The following CNGA1 variants were observed in gnomAD, a reference collection of about 807,000 sequenced individuals.
CNGA1 encodes the protein cyclic nucleotide-gated channel alpha-1.
Under a neutral mutation model 69.7 loss-of-function variants are expected in CNGA1, and 53 were observed. The ratio of observed to expected loss-of-function variants is 0.76; its 90% CI spans 0.61 to 0.96. The LOEUF (loss-of-function observed/expected upper bound fraction) is 0.96, where lower values mean the gene tolerates loss of function less well. CNGA1 is among the 40% of genes least tolerant of loss of function. CNGA1 has a pLI of 0.00. For missense variants in CNGA1, 739 were observed against 811.2 expected (o/e 0.91, Z 1.08); for synonymous variants, 249 against 283.5 (o/e 0.88, Z 1.22).
At chr4:48,003,738 C>G (rs1389479411) in intron 2 of CNGA1, among the ~76,000 whole-genome samples, 3 of 152,198 alleles carry the variant, frequency 2.0e-5, no homozygotes, top group Non-Finnish European at 4.4e-5. Flanking sequence ...AGAGTGTGAA[C>G]CTTCTGTTAT....
At chr4:47,948,370 A>G (rs1371729) in intron 6 of CNGA1, among the ~76,000 whole-genome samples, 52,223 of 152,002 alleles carry the variant, frequency 0.34, 9,352 homozygotes, top group East Asian at 0.59. Flanking sequence ...TACTGTATAT[A>G]TGCTAAAACA....
Position 47,936,216 on chromosome 4 carries a change from T to G in CNGA1, c.*205A>C. ...GTTTATATCTTTGCACATTATCAGTTGTGAAAAATCCCAAGATATAAAGCT... is the reference window on the plus strand; with the variant it reads ...GTTTATATCTTTGCACATTATCAGTGGTGAAAAATCCCAAGATATAAAGCT... On this transcript the variant is annotated 3_prime_UTR_variant, in exon 11 of 11. Coordinates refer to ENST00000514170, the MANE Select transcript of CNGA1 (RefSeq NM_001379270.1). The G allele has an allele frequency of 1.6e-6, 1 of 607,242 alleles. No homozygotes were observed. Among genetic ancestry groups the G allele is most frequent in the Non-Finnish European group, 2.9e-6 (1 of 344,984 alleles). 37.6% of individuals were successfully genotyped at this position (607,242 alleles called of 1,614,324 possible).
chr4:47,970,559 G>A (rs1195618855), intron 3 of CNGA1, among the ~76,000 whole-genome samples: 4 of 151,880 alleles, frequency 2.6e-5, no homozygotes, highest in Non-Finnish European at 5.9e-5. Context: ...GGCTGAGGCA[G>A]GAGAACCACT....
Position 47,936,907 on chromosome 4 carries a change from A to G in CNGA1, c.1575T>C (p.Asp525=), listed in dbSNP as rs1402344185. 4.3e-6 allele frequency: 7 copies of G among 1,614,124 alleles called. No individual in the cohort carries two copies. Among genetic ancestry groups the G allele is most frequent in the African/African-American group, 4.0e-5 (3 of 75,024 alleles). Reference sequence around the variant, plus strand: ...ATACCACAAACTGAGTGACTCCATCATCTGCCACCACAGCGAGTTTGCCTT... The same window carrying G: ...ATACCACAAACTGAGTGACTCCATCGTCTGCCACCACAGCGAGTTTGCCTT... ...IKEGKLAVVA[D]DGVTQFVVLS... The change falls in exon 11 of 11, where the codon GAT becomes GAC. Residue 525 remains aspartate (D), a synonymous_variant. Transcript: ENST00000514170.
At chr4:48,007,043 C>T (rs898308149) in intron 2 of CNGA1, among the ~76,000 whole-genome samples, 1 of 151,206 alleles carries the variant, frequency 6.6e-6, no homozygotes, top group Non-Finnish European at 1.5e-5. Flanking sequence ...AGAGTGATAA[C>T]TCAAGGGTTT....
chr4:48,013,601 G>A (rs1187582009), intron 1 of CNGA1, among the ~76,000 whole-genome samples: 1 of 152,246 alleles, frequency 6.6e-6, no homozygotes, highest in Non-Finnish European at 1.5e-5. Flanking sequence ...GAGGCGATCA[G>A]ATATGTCAGT....
rs536364220 is a variant in CNGA1 at position 47,954,462 on chromosome 4, C to T, written c.-14-1759G>A. 5.9e-5 allele frequency among the ~76,000 whole-genome samples: 9 copies of T among 152,326 alleles called. 1 individual carries two copies. The highest frequency in any genetic ancestry group is 1.5e-5 in the Non-Finnish European group (1 of 68,038). On this transcript the variant is annotated intron_variant, in intron 3 of 10. Transcript: ENST00000514170. ...TCCGTCTGCGTGCTCCCCCTTCCCT[C>T]AGGGGTTTGAGCAGCGGCGGGGGAG...
chr4:47,940,714 A>G, intron 10 of CNGA1, 49 bp downstream of exon 10: 1 of 1,176,368 alleles, frequency 8.5e-7, no homozygotes, highest in Non-Finnish European at 1.3e-6. Context: ...TTACAATGCT[A>G]GAGATAAAAG....
intron 2 of CNGA1, among the ~76,000 whole-genome samples, chr4:47,988,057 C>T (rs1416836529): frequency 6.6e-6 from 1 of 152,088 alleles, no homozygotes; most frequent in Non-Finnish European, 1.5e-5. Flanking sequence ...ATGGTTCAGA[C>T]CAGGTTGGTA....
intron 3 of CNGA1, among the ~76,000 whole-genome samples, chr4:47,959,852 C>T (rs1203995103): frequency 6.6e-6 from 1 of 152,204 alleles, no homozygotes; most frequent in Non-Finnish European, 1.5e-5. Flanking sequence ...GCGACCTGCC[C>T]GCCTTGGCCT....
chr4:47,936,899 A>T lies in CNGA1; in HGVS notation c.1583T>A (p.Val528Asp), dbSNP rs770457952. ...GKLAVVADDG[V>D]TQFVVLSDGS... Reference sequence around the variant, plus strand: ...ATCGCTCAATACCACAAACTGAGTGACTCCATCATCTGCCACCACAGCGAG... The same window carrying T: ...ATCGCTCAATACCACAAACTGAGTGTCTCCATCATCTGCCACCACAGCGAG... The change falls in exon 11 of 11, where the codon GTC becomes GAC. Residue 528 changes from valine to aspartate, a missense_variant. By Grantham distance (152) the Val-to-Asp change is radical. Coordinates refer to ENST00000514170, the MANE Select transcript of CNGA1 (RefSeq NM_001379270.1). The T allele has an allele frequency of 1.9e-6, 3 of 1,613,966 alleles. No homozygotes were observed. The South Asian group carries it at 3.3e-5, about 18-fold the overall frequency.
intron 2 of CNGA1, among the ~76,000 whole-genome samples, chr4:47,984,735 A>T (rs1741913119): frequency 6.6e-6 from 1 of 151,464 alleles, no homozygotes; most frequent in African/African-American, 2.4e-5. Flanking sequence ...CATCTAAGAA[A>T]TGTTTTTTAA....
chr4:47,940,961 G>T, intron 9 of CNGA1, 92 bp from the exon 10 acceptor site: 1 of 816,954 alleles, frequency 1.2e-6, no homozygotes, highest in Non-Finnish European at 2.1e-6. Context: ...ATCATGATGA[G>T]AAGCACAGCA....
At chr4:47,953,153 T>C (rs1172043476) in intron 3 of CNGA1, among the ~76,000 whole-genome samples, 1 of 152,172 alleles carries the variant, frequency 6.6e-6, no homozygotes, top group Non-Finnish European at 1.5e-5. Flanking sequence ...AACCCTACCA[T>C]TTTTCTAAGA....
At chr4:47,991,380 G>A (rs924040594) in intron 2 of CNGA1, among the ~76,000 whole-genome samples, 2 of 151,870 alleles carry the variant, frequency 1.3e-5, no homozygotes, top group Non-Finnish European at 2.9e-5. Context: ...ATTGCATTTC[G>A]CATTGTGGTT....
In CNGA1 at chr4:47,937,488, C is replaced by T; in HGVS notation, c.994G>A (p.Asp332Asn). ...CGGCCAAATTCAGGATCATTAATAT[C>T]AGGGTAGACCCATGTATCATTTCCA... ...GFGNDTWVYP[D>N]INDPEFGRLA... is the part of the protein sequence containing the mutation. The change falls in exon 11 of 11, where the codon GAT becomes AAT. Residue 332 changes from aspartate to asparagine, a missense_variant. Transcript: ENST00000514170. 6.2e-7 allele frequency: 1 copy of T among 1,614,170 alleles called. No homozygotes were observed. The highest frequency in any genetic ancestry group is 2.2e-5 in the East Asian group (1 of 44,880).
chr4:47,997,636 T>C (rs970245523), intron 2 of CNGA1, among the ~76,000 whole-genome samples: 1 of 152,180 alleles, frequency 6.6e-6, no homozygotes, highest in Non-Finnish European at 1.5e-5. Context: ...ATACTAAATA[T>C]ATTGTGATAA....
intron 9 of CNGA1, 35 bp from the exon 10 acceptor site, chr4:47,940,904 G>A (rs1414782544): frequency 1.5e-6 from 2 of 1,351,116 alleles, no homozygotes; most frequent in East Asian, 4.6e-5. Flanking sequence ...AAATAAAAAA[G>A]AAATGGGGGC....
intron 3 of CNGA1, among the ~76,000 whole-genome samples, chr4:47,972,861 C>T (rs2110200412): frequency 6.6e-6 from 1 of 152,288 alleles, no homozygotes; most frequent in South Asian, 2.1e-4. Flanking sequence ...TAAAATCCTG[C>T]CATCTACTAA....
Sources: gnomAD v4.1 joint callset for allele counts (sites outside exome capture counted in the v4.1 genomes callset) on GRCh38, gnomAD v4.1.1 for gene constraint, MANE v1.5 for transcripts, NCBI Gene and HGNC (gene_info 2026-07-23, HGNC 2026-07-21) for gene names.